UNC13B: variants seen among roughly 807,000 people sequenced by gnomAD.
The protein encoded by UNC13B is protein unc-13 homolog B.
Under a neutral mutation model 211.0 loss-of-function variants are expected in UNC13B, and 144 were observed. That is an observed-to-expected ratio of 0.68 (90% CI 0.60 to 0.78). The LOEUF (loss-of-function observed/expected upper bound fraction) is 0.78. Ranked by LOEUF, UNC13B falls within the 30% of genes least tolerant of loss-of-function variation. The probability of loss-of-function intolerance (pLI) is 0.00; values close to 1 mark genes in which losing one functional copy is unlikely to be tolerated. For synonymous variants in UNC13B, 709 were observed against 725.8 expected (o/e 0.98, Z 0.37); for missense variants, 1,777 against 2,002.0 (o/e 0.89, Z 2.14).
In UNC13B at chr9:35,374,996, G is replaced by A. The variant is rs956685156; in HGVS notation, c.9541-131G>A. 10 of 922,188 alleles carry A rather than the reference G, an allele frequency of 1.1e-5. No individual in the cohort carries two copies. In the Admixed American group the frequency reaches 1.6e-4, roughly 15 times the overall value. 57.1% of individuals were successfully genotyped at this position (922,188 alleles called of 1,614,324 possible). Reference sequence around the variant, plus strand: ...CTTGTCACCTGTTAGGGCGGTTGCTGTGAGTGACAATAAAAATAGAAAGTA... The same window carrying A: ...CTTGTCACCTGTTAGGGCGGTTGCTATGAGTGACAATAAAAATAGAAAGTA... On this transcript the variant is annotated intron_variant, in intron 13 of 39. Coordinates refer to ENST00000635942, the MANE Select transcript of UNC13B (RefSeq NM_001371189.2).
intron 1 of UNC13B, among the ~76,000 whole-genome samples, chr9:35,189,953 G>A (rs564186734): frequency 6.6e-6 from 1 of 152,258 alleles, no homozygotes; most frequent in East Asian, 1.9e-4. Flanking sequence ...TTACAGACGT[G>A]AGCCACCATG....
intron 1 of UNC13B, among the ~76,000 whole-genome samples, chr9:35,206,233 A>G (rs952115418): frequency 6.6e-6 from 1 of 152,170 alleles, no homozygotes; most frequent in Admixed American, 6.5e-5. Context: ...TTGAGGTGAT[A>G]GTCACATAAC....
intron 7 of UNC13B, among the ~76,000 whole-genome samples, chr9:35,260,210 AAAAC>A (rs61266087): frequency 1 from 150,361 of 150,528 alleles, 75,097 homozygotes; most frequent in South Asian, 1. Flanking sequence ...ACCCTGTTTC[AAAAC>A]AAACAAACAA....
chr9:35,389,069 T>G lies in UNC13B; in HGVS notation c.11095-777T>G, dbSNP rs146160766. ...TTCCAGTGACATATGACATCCCACATAAAGGCCCTGTTCCTGTCCTTCTGG... is the reference window on the plus strand; with the variant it reads ...TTCCAGTGACATATGACATCCCACAGAAAGGCCCTGTTCCTGTCCTTCTGG... On this transcript the variant is annotated intron_variant, in intron 24 of 39. Coordinates refer to ENST00000635942, the MANE Select transcript of UNC13B (RefSeq NM_001371189.2). Among the ~76,000 whole-genome samples, 462 of 152,334 alleles carry G rather than the reference T, an allele frequency of 3.0e-3. 1 individual carries two copies. The highest frequency in any genetic ancestry group is 0.011 in the African/African-American group (445 of 41,566).
chr9:35,206,057 G>A (rs1823624715), intron 1 of UNC13B, among the ~76,000 whole-genome samples: 1 of 152,114 alleles, frequency 6.6e-6, no homozygotes, highest in Non-Finnish European at 1.5e-5. Context: ...AGTGGCACAT[G>A]CCTCTAGTCC....
chr9:35,364,300 C>T (rs1199832693), intron 11 of UNC13B, among the ~76,000 whole-genome samples: 1 of 151,944 alleles, frequency 6.6e-6, no homozygotes, highest in African/African-American at 2.4e-5. Context: ...AGATTTTGTC[C>T]CTTGATTTAG....
chr9:35,319,637 C>T (rs10972429), intron 11 of UNC13B, among the ~76,000 whole-genome samples: 11,254 of 151,644 alleles, frequency 0.074, 608 homozygotes, highest in East Asian at 0.3. Flanking sequence ...TGTTTAGATG[C>T]CACTCATTTT....
chr9:35,312,493 G>A lies in UNC13B; in HGVS notation c.9324-1406G>A, dbSNP rs536617480. On this transcript the variant is annotated intron_variant, in intron 10 of 39. Coordinates refer to ENST00000635942, the MANE Select transcript of UNC13B (RefSeq NM_001371189.2). ...TAGACTTGGCAGTCACTGTTATCAG[G>A]GCAGAGTTCCTGGTGGAGAAGCAGA... Among the ~76,000 whole-genome samples the A allele has an allele frequency of 2.6e-5, 4 of 152,222 alleles. No homozygotes were observed. In the East Asian group the frequency reaches 7.7e-4, roughly 29 times the overall value.
Position 35,237,647 on chromosome 9 carries a change from G to A in UNC13B, c.271-56G>A. ...CTTCAGAGAAAAAAACCTGACTCTT[G>A]AACTAAGAGGGAGCCAAGAAAGATT... is the stretch of plus-strand genomic sequence containing the variant. On this transcript the variant is annotated intron_variant, in intron 4 of 39. Transcript: ENST00000635942. The A allele has an allele frequency of 2.5e-6, 4 of 1,593,888 alleles. No individual in the cohort carries two copies. The Admixed American group carries it at 7.5e-5, about 30-fold the overall frequency.
intron 1 of UNC13B, among the ~76,000 whole-genome samples, chr9:35,207,686 GC>G (rs1174277031): frequency 6.6e-6 from 1 of 151,854 alleles, no homozygotes; most frequent in African/African-American, 2.4e-5. Flanking sequence ...CAGATCCTTT[GC>G]CCATTTAAAA....
chr9:35,315,435 C>G (rs1327894809), intron 11 of UNC13B, among the ~76,000 whole-genome samples: 1 of 152,176 alleles, frequency 6.6e-6, no homozygotes, highest in Non-Finnish European at 1.5e-5. Context: ...ACTACTATGT[C>G]TCCTCACCCA....
chr9:35,381,518 G>T, intron 19 of UNC13B, 38 bp from the exon 20 acceptor site: 2 of 1,594,566 alleles, frequency 1.3e-6, no homozygotes, highest in Non-Finnish European at 1.7e-6. Context: ...TTTCATATGT[G>T]TTTAACCCAT....
intron 11 of UNC13B, among the ~76,000 whole-genome samples, chr9:35,319,490 C>A (rs1265999436): frequency 6.9e-6 from 1 of 144,748 alleles, no homozygotes; most frequent in Non-Finnish European, 1.5e-5. Context: ...TTGCATGATG[C>A]TGAGATTTGG....
intron 11 of UNC13B, among the ~76,000 whole-genome samples, chr9:35,326,349 C>A (rs989714303): frequency 2.6e-5 from 4 of 152,102 alleles, no homozygotes; most frequent in Non-Finnish European, 5.9e-5. Context: ...ATGGATAGTA[C>A]CAAACTTCAC....
chr9:35,330,513 A>G lies in UNC13B; in HGVS notation c.9414+16524A>G, dbSNP rs1402726201. Among the ~76,000 whole-genome samples the G allele has an allele frequency of 3.3e-5, 5 of 152,214 alleles. No homozygotes were observed. In the East Asian group the frequency reaches 7.7e-4, roughly 23 times the overall value. ...GGTTGCTAGGGTAACTTATCTATGG[A>G]TGACTCCAATGAGGCTATTTGGTAT... On this transcript the variant is annotated intron_variant, in intron 11 of 39. Coordinates refer to ENST00000635942, the MANE Select transcript of UNC13B (RefSeq NM_001371189.2).
chr9:35,259,041 G>T lies in UNC13B; in HGVS notation c.517G>T (p.Ala173Ser). Residue 173 changes from alanine (A) to serine (S), a missense_variant, in exon 7 of 40, where the codon GCC becomes TCC. Coordinates refer to ENST00000635942, the MANE Select transcript of UNC13B (RefSeq NM_001371189.2). The stretch of plus-strand genomic sequence containing the variant: ...GAGGAAGCCATTGCCCACTGCTGCC[G>T]CCCAGTGTTGTAAGTGAGAAACTTG... ...SQRKPLPTAAAQCSFEDPDSA... is the reference protein window; with the variant it reads ...SQRKPLPTAASQCSFEDPDSA... 6.2e-7 allele frequency: 1 copy of T among 1,613,768 alleles called. No homozygotes were observed. Among genetic ancestry groups the T allele is most frequent in the Non-Finnish European group, 8.5e-7 (1 of 1,179,888 alleles).
intron 7 of UNC13B, among the ~76,000 whole-genome samples, chr9:35,290,202 T>C (rs1412695038): frequency 6.6e-6 from 1 of 152,084 alleles, no homozygotes; most frequent in Non-Finnish European, 1.5e-5. Flanking sequence ...GTGGATTTTA[T>C]TAAAAATTTA....
intron 26 of UNC13B, 38 bp downstream of exon 26, chr9:35,390,752 T>G: frequency 1.3e-6 from 2 of 1,573,742 alleles, no homozygotes; most frequent in Non-Finnish European, 1.7e-6. Flanking sequence ...GCCAGGCTCC[T>G]AGCCCAAGCT....
intron 26 of UNC13B, among the ~76,000 whole-genome samples, chr9:35,393,240 G>A (rs1835652286): frequency 6.6e-6 from 1 of 152,178 alleles, no homozygotes; most frequent in African/African-American, 2.4e-5. Context: ...AGAGCACACA[G>A]GAGAACCATG....
Sources: gnomAD v4.1 joint callset for allele counts (sites outside exome capture counted in the v4.1 genomes callset) on GRCh38, gnomAD v4.1.1 for gene constraint, MANE v1.5 for transcripts, NCBI Gene and HGNC (gene_info 2026-07-23, HGNC 2026-07-21) for gene names.